Variants in CCDC148 observed in about 807,000 individuals in gnomAD.
The protein encoded by CCDC148 is coiled-coil domain-containing protein 148.
In CCDC148, 89 loss-of-function variants were observed where a neutral mutation model predicts 85.7. The ratio of observed to expected loss-of-function variants is 1.04; its 90% CI spans 0.87 to 1.24. The LOEUF (loss-of-function observed/expected upper bound fraction) is 1.24. Ranked by LOEUF, CCDC148 falls within the 50% of genes most tolerant of loss-of-function variation. The probability of loss-of-function intolerance (pLI) is 0.00; values close to 1 mark genes in which losing one functional copy is unlikely to be tolerated. For missense variants in CCDC148, 692 were observed against 671.7 expected, an observed-to-expected ratio of 1.03 and a Z score of -0.33; for synonymous variants, 230 against 213.9, an observed-to-expected ratio of 1.08 and a Z score of -0.66.
intron 12 of CCDC148, 122 bp downstream of exon 12, chr2:158,178,757 G>A: frequency 1.5e-6 from 1 of 678,370 alleles, no homozygotes; most frequent in Admixed American, 2.5e-5. Context: ...ATCCCCATTT[G>A]GAAAAGTTAA....
At chr2:158,316,140 G>A (rs17808559) in intron 7 of CCDC148, among the ~76,000 whole-genome samples, 36,496 of 152,162 alleles carry the variant, frequency 0.24, 4,733 homozygotes, top group Middle Eastern at 0.34. Flanking sequence ...GGTAAATGGA[G>A]AAGTACTCCT....
chr2:158,239,228 T>C (rs1268004097), intron 10 of CCDC148, among the ~76,000 whole-genome samples: 1 of 152,126 alleles, frequency 6.6e-6, no homozygotes, highest in African/African-American at 2.4e-5. Context: ...TCTCTAAAAC[T>C]GTCTAATGGG....
intron 1 of CCDC148, among the ~76,000 whole-genome samples, chr2:158,387,593 A>G (rs904549272): frequency 6.6e-6 from 1 of 152,008 alleles, no homozygotes. Flanking sequence ...ACAATATTCC[A>G]TGGCAGATTC....
intron 2 of CCDC148, among the ~76,000 whole-genome samples, chr2:158,352,334 T>A (rs879020800): frequency 1.3e-5 from 2 of 151,576 alleles, no homozygotes; most frequent in East Asian, 2.0e-4. Context: ...TTGAAAAAAA[T>A]TTAGAAGAAT....
chr2:158,209,398 A>G (rs1349219876), intron 11 of CCDC148, among the ~76,000 whole-genome samples: 1 of 152,204 alleles, frequency 6.6e-6, no homozygotes, highest in Admixed American at 6.5e-5. Flanking sequence ...AAAACTCCCT[A>G]AGAAGTTAGT....
intron 1 of CCDC148, among the ~76,000 whole-genome samples, chr2:158,373,360 G>A (rs1344345732): frequency 6.6e-6 from 1 of 151,980 alleles, no homozygotes; most frequent in Non-Finnish European, 1.5e-5. Flanking sequence ...TCATAAACTT[G>A]GATTGTTTAA....
chr2:158,422,578 G>T (rs1158112772), intron 1 of CCDC148, among the ~76,000 whole-genome samples: 1 of 152,028 alleles, frequency 6.6e-6, no homozygotes, highest in Admixed American at 6.6e-5. Flanking sequence ...TTGATGGGAC[G>T]TATCTCAAAA....
chr2:158,340,752 G>T, intron 3 of CCDC148, 72 bp from the exon 4 acceptor site: 1 of 873,548 alleles, frequency 1.1e-6, no homozygotes. Context: ...AATAACCAAA[G>T]AGATATTTAG....
intron 7 of CCDC148, among the ~76,000 whole-genome samples, chr2:158,320,645 C>T (rs1692478700): frequency 1.3e-5 from 2 of 152,112 alleles, no homozygotes; most frequent in Admixed American, 6.5e-5. Flanking sequence ...TCTGTATTAT[C>T]CAATAACAAA....
chr2:158,199,490 C>T (rs893614605), intron 11 of CCDC148, among the ~76,000 whole-genome samples: 1 of 152,142 alleles, frequency 6.6e-6, no homozygotes, highest in Non-Finnish European at 1.5e-5. Context: ...GATGATCCAC[C>T]CACCTTGGCC....
At chr2:158,359,912 T>C (rs1217917589) in intron 1 of CCDC148, among the ~76,000 whole-genome samples, 1 of 152,162 alleles carries the variant, frequency 6.6e-6, no homozygotes, top group Non-Finnish European at 1.5e-5. Flanking sequence ...CCCAGCAAGC[T>C]AAGATCCACT....
At chr2:158,448,965 T>A (rs1345040002) in intron 1 of CCDC148, among the ~76,000 whole-genome samples, 1 of 151,950 alleles carries the variant, frequency 6.6e-6, no homozygotes, top group African/African-American at 2.4e-5. Context: ...GTAGCTGGGA[T>A]TGCAGGTGCC....
In CCDC148 at chr2:158,387,420, T is replaced by C. The variant is rs1228157095; in HGVS notation, c.26-28850A>G. 2.0e-5 allele frequency among the ~76,000 whole-genome samples: 3 copies of C among 152,136 alleles called. 1 individual carries two copies. In the East Asian group the frequency reaches 5.8e-4, roughly 29 times the overall value. On this transcript the variant is annotated intron_variant, in intron 1 of 13. Coordinates refer to ENST00000283233, the MANE Select transcript of CCDC148 (RefSeq NM_138803.4). ...AACTTCTTTCTCCAACAGTGAGAAG[T>C]CCAGCTGCCGTTAACTTTTTATCTT...
intron 12 of CCDC148, among the ~76,000 whole-genome samples, chr2:158,178,635 T>G (rs1319827799): frequency 6.6e-6 from 1 of 152,128 alleles, no homozygotes; most frequent in Non-Finnish European, 1.5e-5. Context: ...GATATAGATA[T>G]AGTTAAATCT....
intron 7 of CCDC148, among the ~76,000 whole-genome samples, chr2:158,316,262 GC>G (rs1328387083): frequency 1.3e-5 from 2 of 152,178 alleles, no homozygotes; most frequent in Non-Finnish European, 2.9e-5. Flanking sequence ...CCAAATAGAA[GC>G]ACACATTAAG....
intron 9 of CCDC148, among the ~76,000 whole-genome samples, chr2:158,270,669 T>C (rs573932573): frequency 2.0e-5 from 3 of 152,326 alleles, no homozygotes; most frequent in Admixed American, 2.0e-4. Flanking sequence ...AAAGCTAGTC[T>C]ATTCCGAAGG....
At chr2:158,283,479 A>C (rs1690444668) in intron 9 of CCDC148, among the ~76,000 whole-genome samples, 1 of 152,262 alleles carries the variant, frequency 6.6e-6, no homozygotes, top group Non-Finnish European at 1.5e-5. Context: ...ATGAATAGAC[A>C]CTTCTCAAAA....
chr2:158,315,859 T>TA (rs1230075275), intron 7 of CCDC148, among the ~76,000 whole-genome samples: 2 of 152,182 alleles, frequency 1.3e-5, no homozygotes, highest in African/African-American at 4.8e-5. Context: ...AAAGCCAGCC[T>TA]ACTTGCCTCC....
At chr2:158,240,435 T>TTC (rs72429578) in intron 10 of CCDC148, among the ~76,000 whole-genome samples, 140 of 126,512 alleles carry the variant, frequency 1.1e-3, no homozygotes, top group African/African-American at 3.6e-3. Context: ...CACTCTCTCT[T>TTC]TCTCTCTCTC....
Sources: allele counts gnomAD v4.1 joint callset (sites outside exome capture counted in the v4.1 genomes callset), GRCh38; gene constraint gnomAD v4.1.1; transcripts MANE v1.5; gene names NCBI Gene and HGNC (gene_info 2026-07-23, HGNC 2026-07-21).